Variants in COL18A1 observed in about 807,000 individuals in gnomAD.
COL18A1 encodes the protein collagen alpha-1(XVIII) chain.
Under a neutral mutation model 168.0 loss-of-function variants are expected in COL18A1, and 133 were observed. The observed-to-expected ratio is 0.79, with a 90% CI of 0.69 to 0.91. The LOEUF is 0.91. COL18A1 is among the 40% of genes least tolerant of loss of function. COL18A1 has a pLI of 0.00. For synonymous variants in COL18A1, 949 were observed against 809.0 expected (o/e 1.17, Z -2.94); for missense variants, 2,126 against 1,925.4 (o/e 1.10, Z -1.95).
chr21:45,455,457 G>A, intron 2 of COL18A1: 1 of 1,593,440 alleles, frequency 6.3e-7, no homozygotes, highest in Non-Finnish European at 8.5e-7. Context: ...GGGCAGGAGG[G>A]CGTGAGCCTG....
chr21:45,464,878 T>A (rs2145879616), intron 2 of COL18A1, among the ~76,000 whole-genome samples: 1 of 152,290 alleles, frequency 6.6e-6, no homozygotes, highest in Middle Eastern at 3.4e-3. Context: ...CCACGTAAAA[T>A]TACGCTTGTG....
chr21:45,414,879 T>C (rs1403203228), intron 2 of COL18A1, among the ~76,000 whole-genome samples: 1 of 152,088 alleles, frequency 6.6e-6, no homozygotes, highest in Non-Finnish European at 1.5e-5. Context: ...CAGATGACCC[T>C]GGATTATCAG....
At chr21:45,437,866 T>A (rs1357691174) in intron 2 of COL18A1, among the ~76,000 whole-genome samples, 5 of 30,112 alleles carry the variant, frequency 1.7e-4, no homozygotes, top group East Asian at 9.9e-4. Context: ...ACACTCACAC[T>A]CAGACACACA....
At chr21:45,439,290 G>A (rs1295440829) in intron 2 of COL18A1, among the ~76,000 whole-genome samples, 1 of 152,230 alleles carries the variant, frequency 6.6e-6, no homozygotes. Context: ...CCGTGGTCCA[G>A]GGGCGCGGAG....
rs76247277 is a variant in COL18A1, at chr21:45,504,647, G to A, written c.2868+91G>A. On this transcript the variant is annotated intron_variant, in intron 34 of 41. Coordinates refer to ENST00000651438, the MANE Select transcript of COL18A1 (RefSeq NM_001379500.1). ...GTCCAGCCCGGCCTTCGACACCCGC[G>A]AAGGCCGGAGCTGCCCCTGCAAGCT... The A allele has an allele frequency of 1.4e-3, 1,649 of 1,170,740 alleles. 8 individuals are homozygous for A. The African/African-American group carries it at 0.018, about 13-fold the overall frequency. The allele number at this position is 1,170,740 out of a possible 1,614,324, so 72.5% of individuals were successfully genotyped here.
chr21:45,414,013 TC>T (rs1385158881), intron 2 of COL18A1, among the ~76,000 whole-genome samples: 1 of 152,216 alleles, frequency 6.6e-6, no homozygotes, highest in African/African-American at 2.4e-5. Flanking sequence ...CTGAACCATC[TC>T]TGCTCTCTGA....
chr21:45,509,279 C>A, intron 38 of COL18A1, 77 bp from the exon 39 acceptor site: 2 of 1,526,468 alleles, frequency 1.3e-6, no homozygotes, highest in East Asian at 2.5e-5. Context: ...TCTCACCCAG[C>A]CCAGAGGAGG....
At position 45,477,911 on chromosome 21, in the gene COL18A1, A is replaced by T; in HGVS notation, c.1167A>T (p.Gln389His). The change falls in exon 8 of 42, where the codon CAA (glutamine) becomes CAT (histidine). Residue 389 changes from glutamine (Q) to histidine (H), a missense_variant. Coordinates refer to ENST00000651438, the MANE Select transcript of COL18A1 (RefSeq NM_001379500.1). Reference protein sequence around the residue: ...GPALQTVPGPQGPPGPPGRDG... With the variant: ...GPALQTVPGPHGPPGPPGRDG... ...CGTTGCAAACTGTCCCCGGACCACA[A>T]GGACCCCCAGGGCCTCCGGGGAGGG... is the stretch of plus-strand genomic sequence containing the variant. 6.4e-7 allele frequency: 1 copy of T among 1,565,928 alleles called. No homozygotes were observed. Among genetic ancestry groups the T allele is most frequent in the Non-Finnish European group, 8.7e-7 (1 of 1,155,348 alleles).
At chr21:45,504,153 TC>T (rs1352623756) in intron 33 of COL18A1, 99 bp downstream of exon 33, 1 of 1,392,996 alleles carries the variant, frequency 7.2e-7, no homozygotes, top group Non-Finnish European at 1.0e-6. Flanking sequence ...CAAGCCCCCT[TC>T]CTGTTCAGCC....
At chr21:45,506,624 A>T (rs1435167665) in intron 37 of COL18A1, 1 of 173,002 alleles carries the variant, frequency 5.8e-6, no homozygotes, top group African/African-American at 2.4e-5. Flanking sequence ...GACGGGTAGA[A>T]GCCCCATGCC....
At chr21:45,488,330 CTG>C (rs1218074703) in intron 17 of COL18A1, 86 bp from the exon 18 acceptor site, 2 of 1,559,732 alleles carry the variant, frequency 1.3e-6, no homozygotes, top group African/African-American at 1.4e-5. Context: ...GAAGTCTTGA[CTG>C]TTACTAGCGG....
chr21:45,490,738 A>G (rs2036306047), intron 20 of COL18A1, 98 bp from the exon 21 acceptor site: 17 of 1,270,490 alleles, frequency 1.3e-5, no homozygotes, highest in Non-Finnish European at 1.8e-5. Context: ...CCGGTCGGGA[A>G]ATAAAGAACC....
rs114463382 is a variant in COL18A1 at position 45,456,705 on chromosome 21, T to C, written c.107-11537T>C. 56,962 of 1,532,722 alleles carry C rather than the reference T, an allele frequency of 0.037. 1,270 individuals carry two copies. Among genetic ancestry groups the C allele is most frequent in the African/African-American group, 0.081 (5,912 of 72,800 alleles). The allele number at this position is 1,532,722 out of a possible 1,614,324, so 94.9% of individuals were successfully genotyped here. ...TTCCTCGCCTGGTTCTTCTGCCTGC[T>C]GCTGGTCCCCCCATGCGGCAGCGTC... On this transcript the variant is annotated intron_variant, in intron 2 of 41. Coordinates refer to ENST00000651438, the MANE Select transcript of COL18A1 (RefSeq NM_001379500.1).
chr21:45,511,672 C>G (rs927767462), intron 41 of COL18A1, among the ~76,000 whole-genome samples: 1 of 152,116 alleles, frequency 6.6e-6, no homozygotes, highest in South Asian at 2.1e-4. Context: ...GTGCCCTCCC[C>G]ACGTGAGCGC....
chr21:45,475,394 G>A (rs1191163238), intron 4 of COL18A1, 82 bp from the exon 5 acceptor site: 14 of 1,269,846 alleles, frequency 1.1e-5, no homozygotes, highest in East Asian at 7.5e-5. Flanking sequence ...CGAGAGCAGC[G>A]TCCTTTGCTT....
Position 45,498,192 on chromosome 21 carries a change from C to T in COL18A1, c.2683+531C>T. ...GATGTCCTGCCAAGACCACTGAGAACAGCTGGATAAAATGTGAGAAAACCA... is the reference window on the plus strand; with the variant it reads ...GATGTCCTGCCAAGACCACTGAGAATAGCTGGATAAAATGTGAGAAAACCA... On this transcript the variant is annotated intron_variant, in intron 32 of 41. Coordinates refer to ENST00000651438, the MANE Select transcript of COL18A1 (RefSeq NM_001379500.1). The surrounding 1 kb of genome is among the most constrained non-coding windows in gnomAD (Gnocchi z 4.5). The T allele has an allele frequency of 1.4e-6, 1 of 696,922 alleles. No individual in the cohort carries two copies. Among genetic ancestry groups the T allele is most frequent in the Admixed American group, 2.0e-5 (1 of 49,554 alleles). The allele number at this position is 696,922 out of a possible 1,614,324, so 43.2% of individuals were successfully genotyped here.
chr21:45,477,502 C>A lies in COL18A1; in HGVS notation c.1005+15C>A. On this transcript the variant is annotated intron_variant, in intron 7 of 41. Transcript: ENST00000651438. Reference sequence around the variant, plus strand: ...GCGTGAAAGAGGTAAGGCCACCTCCCTGTGCTCCTGAACCATTCTGAACCA... The same window carrying A: ...GCGTGAAAGAGGTAAGGCCACCTCCATGTGCTCCTGAACCATTCTGAACCA... 1 of 1,597,272 alleles carries A rather than the reference C, an allele frequency of 6.3e-7. No individual in the cohort carries two copies. The highest frequency in any genetic ancestry group is 1.1e-5 in the South Asian group (1 of 88,486).
intron 2 of COL18A1, among the ~76,000 whole-genome samples, chr21:45,453,193 A>G (rs2034687493): frequency 6.6e-6 from 1 of 152,154 alleles, no homozygotes; most frequent in South Asian, 2.1e-4. Flanking sequence ...GTATGCATGT[A>G]TTCATGTGTG....
rs1555862218 is a variant in COL18A1 at position 45,479,965 on chromosome 21, G to T, written c.1311+1G>T. The T allele has an allele frequency of 1.9e-6, 3 of 1,613,882 alleles. No individual in the cohort carries two copies. The highest frequency in any genetic ancestry group is 2.5e-6 in the Non-Finnish European group (3 of 1,179,946). ...GGACGTAGGTCCCAAGGGCGACAAG[G>T]TGAGTCTCCGTGGCTGGGTGGGGCC... is the stretch of plus-strand genomic sequence containing the variant. On this transcript the variant is annotated splice_donor_variant, in intron 10 of 41. Transcript: ENST00000651438. LOFTEE classifies it high-confidence loss of function.
Sources: allele counts gnomAD v4.1 joint callset (sites outside exome capture counted in the v4.1 genomes callset), GRCh38; gene constraint gnomAD v4.1.1; non-coding constraint Gnocchi (gnomAD v3.1); transcripts MANE v1.5; gene names NCBI Gene and HGNC (gene_info 2026-07-23, HGNC 2026-07-21).